Variants in SCAPER observed in about 807,000 individuals in gnomAD.
The protein encoded by SCAPER is S-phase cyclin A associated protein in the ER.
In SCAPER, 98 loss-of-function variants were observed where a neutral mutation model predicts 182.2. The ratio of observed to expected loss-of-function variants is 0.54; its 90% CI spans 0.46 to 0.64. The LOEUF (loss-of-function observed/expected upper bound fraction) is 0.64, where lower values mean the gene tolerates loss of function less well. Ranked by LOEUF, SCAPER falls within the 30% of genes least tolerant of loss-of-function variation. SCAPER has a pLI of 0.00. For missense variants in SCAPER, 1,432 were observed against 1,690.0 expected (o/e 0.85, Z 2.68); for synonymous variants, 605 against 564.6 (o/e 1.07, Z -1.01).
At chr15:76,700,150 C>T (rs1337879253) in intron 20 of SCAPER, among the ~76,000 whole-genome samples, 2 of 152,330 alleles carry the variant, frequency 1.3e-5, no homozygotes, top group East Asian at 3.9e-4. Flanking sequence ...GACCAGAGTG[C>T]TCGGATTACA....
chr15:76,595,594 C>A (rs1235978613), intron 22 of SCAPER, among the ~76,000 whole-genome samples: 1 of 121,750 alleles, frequency 8.2e-6, no homozygotes, highest in African/African-American at 2.5e-5. Context: ...TGCAAAAGAA[C>A]AGAAATCATA....
intron 17 of SCAPER, among the ~76,000 whole-genome samples, chr15:76,712,038 C>T (rs962985180): frequency 5.9e-5 from 9 of 152,100 alleles, no homozygotes; most frequent in Non-Finnish European, 1.0e-4. Flanking sequence ...ATGGTAATGC[C>T]TAGGTTTTCT....
intron 25 of SCAPER, among the ~76,000 whole-genome samples, chr15:76,435,741 T>G (rs1270329508): frequency 6.6e-6 from 1 of 152,216 alleles, no homozygotes; most frequent in African/African-American, 2.4e-5. Context: ...TATCGATAGT[T>G]TGGCTGGATA....
At chr15:76,692,721 A>AAAAGG (rs951563053) in intron 20 of SCAPER, among the ~76,000 whole-genome samples, 4 of 150,884 alleles carry the variant, frequency 2.7e-5, no homozygotes, top group Non-Finnish European at 3.0e-5. Flanking sequence ...AAGGAAAAGG[A>AAAAGG]AAAGGAAAGG....
At chr15:76,884,185 C>T (rs944144646) in intron 1 of SCAPER, among the ~76,000 whole-genome samples, 2 of 152,166 alleles carry the variant, frequency 1.3e-5, no homozygotes, top group African/African-American at 2.4e-5. Context: ...TTATATCTTA[C>T]CCAGTTCATA....
chr15:76,549,149 A>T (rs1567423686), intron 23 of SCAPER, among the ~76,000 whole-genome samples: 1 of 152,104 alleles, frequency 6.6e-6, no homozygotes, highest in Non-Finnish European at 1.5e-5. Flanking sequence ...ATGAACAGAC[A>T]CTCCTCAAAA....
chr15:76,809,602 G>C (rs980624205), intron 5 of SCAPER, among the ~76,000 whole-genome samples: 1 of 152,086 alleles, frequency 6.6e-6, no homozygotes, highest in South Asian at 2.1e-4. Context: ...GAAAGCTAAA[G>C]GGACTTACAG....
rs534658452 is a variant in SCAPER at position 76,746,095 on chromosome 15, A to G, written c.1866+7713T>C. ...CAGATCAATAGAACAGGGACAAAAAATATAGTGTAACAGCAATAGATGGAG... is the reference window on the plus strand; with the variant it reads ...CAGATCAATAGAACAGGGACAAAAAGTATAGTGTAACAGCAATAGATGGAG... On this transcript the variant is annotated intron_variant, in intron 15 of 31. Coordinates refer to ENST00000563290, the MANE Select transcript of SCAPER (RefSeq NM_020843.4). Among the ~76,000 whole-genome samples the G allele has an allele frequency of 1.1e-3, 168 of 152,356 alleles. 1 individual carries two copies. The highest frequency in any genetic ancestry group is 2.1e-3 in the Non-Finnish European group (143 of 68,024).
At chr15:76,733,788 C>T (rs2061071055) in intron 15 of SCAPER, among the ~76,000 whole-genome samples, 1 of 151,542 alleles carries the variant, frequency 6.6e-6, no homozygotes, top group Admixed American at 6.6e-5. Context: ...AATCTAACAA[C>T]AGTCTTTATA....
At chr15:76,587,670 T>G (rs2048767958) in intron 22 of SCAPER, among the ~76,000 whole-genome samples, 1 of 152,188 alleles carries the variant, frequency 6.6e-6, no homozygotes, top group Non-Finnish European at 1.5e-5. Context: ...TCAGTTTTCT[T>G]AAATTTATTG....
chr15:76,659,791 T>C (rs2055977095), intron 21 of SCAPER, among the ~76,000 whole-genome samples: 1 of 152,140 alleles, frequency 6.6e-6, no homozygotes, highest in African/African-American at 2.4e-5. Context: ...TGCTCATATA[T>C]TGTTGGTGGG....
At chr15:76,367,891 T>C (rs2041912108) in intron 29 of SCAPER, among the ~76,000 whole-genome samples, 1 of 152,174 alleles carries the variant, frequency 6.6e-6, no homozygotes, top group African/African-American at 2.4e-5. Context: ...CATTTTTAAT[T>C]AAGAATTTTT....
In SCAPER at chr15:76,775,044, C is replaced by T; in HGVS notation, c.846G>A (p.Met282Ile). The T allele has an allele frequency of 1.2e-6, 2 of 1,613,818 alleles. No individual in the cohort carries two copies. The highest frequency in any genetic ancestry group is 1.7e-6 in the Non-Finnish European group (2 of 1,179,776). ...CTTCTGTTGCCAATGAAACTTTTGGCATCACTGCTGTTGATCGAGAACGAA... is the reference window on the plus strand; with the variant it reads ...CTTCTGTTGCCAATGAAACTTTTGGTATCACTGCTGTTGATCGAGAACGAA... ...RPIRSRSTAV[M>I]PKVSLATEAT... Residue 282 changes from methionine (M) to isoleucine (I), a missense_variant, in exon 9 of 32, where the codon ATG becomes ATA. This residue lies in a region of SCAPER where 480 missense variants were observed against 510.2 expected (regional missense o/e 0.94). Coordinates refer to ENST00000563290, the MANE Select transcript of SCAPER (RefSeq NM_020843.4).
intron 20 of SCAPER, among the ~76,000 whole-genome samples, chr15:76,686,926 T>G (rs2058068351): frequency 6.6e-6 from 1 of 152,144 alleles, no homozygotes; most frequent in Admixed American, 6.6e-5. Flanking sequence ...GAAGAGGATC[T>G]ATCAAGCAAC....
At chr15:76,763,347 G>A (rs1349027446) in intron 14 of SCAPER, among the ~76,000 whole-genome samples, 2 of 150,462 alleles carry the variant, frequency 1.3e-5, no homozygotes, top group African/African-American at 2.5e-5. Flanking sequence ...TTTCTGGGGT[G>A]GGGGGTGGTG....
At chr15:76,413,602 C>T (rs1473940194) in intron 26 of SCAPER, among the ~76,000 whole-genome samples, 1 of 152,108 alleles carries the variant, frequency 6.6e-6, no homozygotes, top group Non-Finnish European at 1.5e-5. Flanking sequence ...TGATGTCTTC[C>T]TTTAGAGCAA....
chr15:76,418,531 C>A (rs1174633833), intron 26 of SCAPER, among the ~76,000 whole-genome samples: 1 of 152,228 alleles, frequency 6.6e-6, no homozygotes, highest in Non-Finnish European at 1.5e-5. Flanking sequence ...CAGATCATCT[C>A]GGAACCAGAC....
chr15:76,567,237 T>C (rs2047101557), intron 23 of SCAPER: 2 of 390,146 alleles, frequency 5.1e-6, no homozygotes, highest in African/African-American at 4.2e-5. Flanking sequence ...CATTCATTTT[T>C]ATGTTGAATA....
chr15:76,734,175 G>T (rs146564945), intron 15 of SCAPER, among the ~76,000 whole-genome samples: 8 of 152,308 alleles, frequency 5.3e-5, no homozygotes, highest in African/African-American at 9.6e-5. Flanking sequence ...ACAAGGTACT[G>T]AACTATACAT....
Sources: allele counts gnomAD v4.1 joint callset (sites outside exome capture counted in the v4.1 genomes callset), GRCh38; gene constraint gnomAD v4.1.1; regional missense constraint gnomAD v4.1.1; transcripts MANE v1.5; gene names NCBI Gene and HGNC (gene_info 2026-07-23, HGNC 2026-07-21).